The following PPP2R3A variants were observed in gnomAD, a reference collection of about 807,000 sequenced individuals.
PPP2R3A encodes the protein serine/threonine-protein phosphatase 2A regulatory subunit B'' subunit alpha.
A neutral mutation model predicts 106.9 loss-of-function variants in PPP2R3A; 80 were observed. The ratio of observed to expected loss-of-function variants is 0.75; its 90% CI spans 0.62 to 0.90. The LOEUF is 0.90. PPP2R3A is among the 40% of genes least tolerant of loss of function. The pLI is 0.00. For synonymous variants in PPP2R3A, 483 were observed against 468.3 expected (o/e 1.03, Z -0.41); for missense variants, 1,386 against 1,350.4 (o/e 1.03, Z -0.41).
chr3:135,982,811 A>G (rs1158888996), intron 1 of PPP2R3A, among the ~76,000 whole-genome samples: 1 of 152,032 alleles, frequency 6.6e-6, no homozygotes, highest in South Asian at 2.1e-4. Flanking sequence ...CTTTCATAAT[A>G]TTGAATGAAA....
intron 13 of PPP2R3A, chr3:136,106,555 G>A (rs1294100344): frequency 7.8e-6 from 4 of 513,116 alleles, no homozygotes; most frequent in East Asian, 3.7e-5. Flanking sequence ...ACTGGAAACC[G>A]AGATCACTGA....
At chr3:136,045,886 A>G (rs909421655) in intron 4 of PPP2R3A, among the ~76,000 whole-genome samples, 3 of 152,194 alleles carry the variant, frequency 2.0e-5, no homozygotes, top group Non-Finnish European at 4.4e-5. Flanking sequence ...CTGGCCACAA[A>G]TAAAGATCCC....
intron 2 of PPP2R3A, among the ~76,000 whole-genome samples, chr3:136,008,397 C>T (rs1933919535): frequency 6.6e-6 from 1 of 152,170 alleles, no homozygotes; most frequent in Admixed American, 6.5e-5. Context: ...TAAAAGTAAA[C>T]ACATCTGCCT....
In PPP2R3A at chr3:136,037,875, A is replaced by C. The variant is rs565507256; in HGVS notation, c.2263-2984A>C. Among the ~76,000 whole-genome samples, 82 of 152,230 alleles carry C rather than the reference A, an allele frequency of 5.4e-4. 1 individual carries two copies. Among genetic ancestry groups the C allele is most frequent in the Non-Finnish European group, 1.5e-5 (1 of 68,016 alleles). On this transcript the variant is annotated intron_variant, in intron 3 of 13. Transcript: ENST00000264977. ...ATATTGACTCGCCTCCCCCTCTAAAAATAAGTTTCCTAAATCTATTTTCTG... is the reference window on the plus strand; with the variant it reads ...ATATTGACTCGCCTCCCCCTCTAAACATAAGTTTCCTAAATCTATTTTCTG...
Position 136,026,915 on chromosome 3 carries a change from G to A in PPP2R3A, c.2079G>A (p.Pro693=), listed in dbSNP as rs145391296. ...CAAGTAGTCCCCGACCTCTCTCCCC[G>A]GTTCCCCATGTGAATAATGTTGTGA... ...TSPSSPRPLS[P]VPHVNNVVNA... is the part of the protein sequence containing the mutation. Residue 693 remains proline, a synonymous_variant, in exon 3 of 14, where the codon CCG becomes CCA. Coordinates refer to ENST00000264977, the MANE Select transcript of PPP2R3A (RefSeq NM_002718.5). The A allele has an allele frequency of 5.6e-4, 903 of 1,613,168 alleles. 5 individuals carry two copies. In the African/African-American group the frequency reaches 0.01, roughly 19 times the overall value.
chr3:136,034,933 T>C (rs752307247), intron 3 of PPP2R3A, among the ~76,000 whole-genome samples: 1 of 152,230 alleles, frequency 6.6e-6, no homozygotes, highest in Non-Finnish European at 1.5e-5. Flanking sequence ...TTTAGGATTG[T>C]GGTATTTTCC....
rs771669884 is a variant in PPP2R3A, at chr3:136,070,540, C to CTG, written c.2533_2534insGT (p.Tyr845CysfsTer27). Reference sequence around the variant, plus strand: ...AAGATGCTCCAGAATTCCACTCCCGCTACATCACCACGGTAGGCTGAGTCA... The same window carrying CTG: ...AAGATGCTCCAGAATTCCACTCCCGCTGTACATCACCACGGTAGGCTGAGTCA... On this transcript the variant is annotated frameshift_variant, in exon 6 of 14. Coordinates refer to ENST00000264977, the MANE Select transcript of PPP2R3A (RefSeq NM_002718.5). LOFTEE classifies it high-confidence loss of function. 5 of 1,610,346 alleles carry CTG rather than the reference C, an allele frequency of 3.1e-6. No individual in the cohort carries two copies. Among genetic ancestry groups the CTG allele is most frequent in the Non-Finnish European group, 8.5e-7 (1 of 1,178,580 alleles).
intron 12 of PPP2R3A, among the ~76,000 whole-genome samples, chr3:136,105,760 G>A (rs1937499660): frequency 6.6e-6 from 1 of 151,724 alleles, no homozygotes. Context: ...TCAGGAGTTC[G>A]AGACCAGCCT....
intron 3 of PPP2R3A, among the ~76,000 whole-genome samples, chr3:136,039,969 C>A (rs1417034101): frequency 6.6e-6 from 1 of 152,006 alleles, no homozygotes; most frequent in East Asian, 1.9e-4. Flanking sequence ...TTGTGGTAGC[C>A]TCTAATATAT....
At position 135,995,379 on chromosome 3, in the gene PPP2R3A, GAT is replaced by G. The variant is rs1215041147; in HGVS notation, c.-440-5678_-440-5677del. Among the ~76,000 whole-genome samples, 3 of 150,400 alleles carry G rather than the reference GAT, an allele frequency of 2.0e-5. No individual in the cohort carries two copies. The East Asian group carries it at 5.9e-4, about 29-fold the overall frequency. Reference sequence around the variant, plus strand: ...ATTAAGAAAAAACTCTATTGATTATGATAGAGTGCTTATCCTCTAGAACTTTT... The same window carrying G: ...ATTAAGAAAAAACTCTATTGATTATGAGAGTGCTTATCCTCTAGAACTTTT... On this transcript the variant is annotated intron_variant, in intron 1 of 13. Coordinates refer to ENST00000264977, the MANE Select transcript of PPP2R3A (RefSeq NM_002718.5).
chr3:136,132,558 AAATAT>A (rs985912378), intron 13 of PPP2R3A, among the ~76,000 whole-genome samples: 6 of 151,964 alleles, frequency 3.9e-5, no homozygotes, highest in Non-Finnish European at 1.5e-5. Flanking sequence ...AAATAGGAAT[AAATAT>A]AATAAAATAA....
In PPP2R3A at chr3:136,013,157, GGTGTGTGTGTGT is replaced by G. The variant is rs773969022; in HGVS notation, c.1995+9679_1995+9690del. ...TTTTTATGGCTGAATAGTATTCCAT[GGTGTGTGTGTGT>G]GTGTGTGTGTGTGTATGTATGTATG... On this transcript the variant is annotated intron_variant, in intron 2 of 13. Transcript: ENST00000264977. Among the ~76,000 whole-genome samples the G allele has an allele frequency of 4.3e-5, 6 of 139,796 alleles. No individual in the cohort carries two copies. The South Asian group carries it at 7.1e-4, about 17-fold the overall frequency. 91.7% of individuals were successfully genotyped at this position (139,796 alleles called of 152,430 possible). A position where few individuals can be genotyped will look rare whatever the true frequency, so the allele number is the denominator to read the frequency against.
intron 1 of PPP2R3A, among the ~76,000 whole-genome samples, chr3:135,991,835 G>A (rs1260627270): frequency 6.6e-6 from 1 of 152,088 alleles, no homozygotes. Flanking sequence ...CTCCACTGCG[G>A]TAAAAATAAA....
intron 5 of PPP2R3A, chr3:136,055,746 A>C (rs919683035): frequency 1.5e-6 from 1 of 673,332 alleles, no homozygotes; most frequent in Non-Finnish European, 2.7e-6. Flanking sequence ...AATCATCTTT[A>C]TGGAATGTGG....
intron 7 of PPP2R3A, among the ~76,000 whole-genome samples, chr3:136,081,567 A>T (rs34330586): frequency 0.28 from 43,044 of 151,820 alleles, 7,012 homozygotes; most frequent in African/African-American, 0.44. Context: ...TATTTCTTAC[A>T]TTCTTTTGTG....
intron 5 of PPP2R3A, among the ~76,000 whole-genome samples, chr3:136,052,863 A>G (rs1935728515): frequency 6.6e-6 from 1 of 152,198 alleles, no homozygotes; most frequent in Non-Finnish European, 1.5e-5. Context: ...CTGAAGTTAA[A>G]GTGTAGAAAT....
At chr3:136,084,792 A>C (rs1221977069) in intron 8 of PPP2R3A, among the ~76,000 whole-genome samples, 1 of 152,220 alleles carries the variant, frequency 6.6e-6, no homozygotes, top group African/African-American at 2.4e-5. Flanking sequence ...TTGGAACTTT[A>C]AGGTTTAATG....
chr3:136,027,002 T>C lies in PPP2R3A; in HGVS notation c.2166T>C (p.Cys722=). 6.2e-7 allele frequency: 1 copy of C among 1,612,566 alleles called. No homozygotes were observed. Among genetic ancestry groups the C allele is most frequent in the African/African-American group, 1.3e-5 (1 of 74,990 alleles). Reference sequence around the variant, plus strand: ...TTCCTGAAGGACTCCCAGATACCTGTAGTAATCATGAACAAACTCTAAGCA... The same window carrying C: ...TTCCTGAAGGACTCCCAGATACCTGCAGTAATCATGAACAAACTCTAAGCA... ...FYFPEGLPDT[C]SNHEQTLSRI... The change falls in exon 3 of 14, where the codon TGT becomes TGC. Residue 722 remains cysteine (C), a synonymous_variant. Transcript: ENST00000264977.
At chr3:136,044,044 T>A (rs1935385595) in intron 4 of PPP2R3A, among the ~76,000 whole-genome samples, 1 of 152,180 alleles carries the variant, frequency 6.6e-6, no homozygotes, top group African/African-American at 2.4e-5. Flanking sequence ...CTATTCTGTT[T>A]TATATATATA....
Sources: gnomAD v4.1 joint callset for allele counts (sites outside exome capture counted in the v4.1 genomes callset) on GRCh38, gnomAD v4.1.1 for gene constraint, MANE v1.5 for transcripts, NCBI Gene and HGNC (gene_info 2026-07-23, HGNC 2026-07-21) for gene names.